RIT2: variants seen among roughly 807,000 people sequenced by gnomAD.
RIT2 encodes the protein GTP-binding protein Rit2.
In RIT2, 24 loss-of-function variants were observed where a neutral mutation model predicts 23.7. That is an observed-to-expected ratio of 1.01 (90% CI 0.73 to 1.43). The LOEUF (loss-of-function observed/expected upper bound fraction) is 1.43. Ranked by LOEUF, RIT2 falls within the 40% of genes most tolerant of loss-of-function variation. The pLI is 0.00. For synonymous variants in RIT2, 107 were observed against 91.1 expected (o/e 1.17, Z -0.99); for missense variants, 236 against 266.9 (o/e 0.88, Z 0.81).
chr18:42,913,787 A>T (rs930658138), intron 4 of RIT2, among the ~76,000 whole-genome samples: 1 of 151,960 alleles, frequency 6.6e-6, no homozygotes, highest in Non-Finnish European at 1.5e-5. Flanking sequence ...TCTATTCTAC[A>T]ATATGGTGGC....
intron 4 of RIT2, among the ~76,000 whole-genome samples, chr18:42,791,107 A>G (rs1914033402): frequency 6.6e-6 from 1 of 152,246 alleles, no homozygotes; most frequent in Non-Finnish European, 1.5e-5. Flanking sequence ...TATTAAATAA[A>G]TTAACTTGGG....
intron 2 of RIT2, among the ~76,000 whole-genome samples, chr18:42,990,404 C>G (rs960821352): frequency 6.6e-6 from 1 of 152,124 alleles, no homozygotes; most frequent in South Asian, 2.1e-4. Context: ...TAACGGCTGA[C>G]CAAATGCCTA....
chr18:43,046,081 G>A (rs991551734), intron 1 of RIT2, among the ~76,000 whole-genome samples: 11 of 152,146 alleles, frequency 7.2e-5, no homozygotes, highest in Non-Finnish European at 1.5e-5. Context: ...GGTGTCAGAT[G>A]CAAGATAGGC....
intron 3 of RIT2, among the ~76,000 whole-genome samples, chr18:42,940,096 C>T (rs1027858142): frequency 4.6e-5 from 7 of 151,296 alleles, no homozygotes; most frequent in African/African-American, 1.5e-4. Flanking sequence ...ACATTTTATG[C>T]CCCCATGCAT....
intron 1 of RIT2, among the ~76,000 whole-genome samples, chr18:43,098,412 T>C (rs1913604681): frequency 6.6e-6 from 1 of 151,826 alleles, no homozygotes. Flanking sequence ...GCCCATTTGC[T>C]CAGGATTGCA....
At chr18:42,963,113 CT>C (rs1568040911) in intron 3 of RIT2, among the ~76,000 whole-genome samples, 1 of 152,124 alleles carries the variant, frequency 6.6e-6, no homozygotes, top group Non-Finnish European at 1.5e-5. Flanking sequence ...GAATTGATTT[CT>C]AATGGAGAGG....
chr18:42,757,748 T>C (rs1367700823), intron 4 of RIT2, among the ~76,000 whole-genome samples: 1 of 152,200 alleles, frequency 6.6e-6, no homozygotes, highest in East Asian at 1.9e-4. Flanking sequence ...ATTTCTCGTT[T>C]AGTTCTTCAA....
intron 1 of RIT2, among the ~76,000 whole-genome samples, chr18:43,085,232 A>G (rs1185054478): frequency 6.6e-6 from 1 of 152,114 alleles, no homozygotes; most frequent in Non-Finnish European, 1.5e-5. Flanking sequence ...ATAAATAATA[A>G]TTGTATATCT....
At chr18:43,009,241 T>G (rs1911296399) in intron 2 of RIT2, among the ~76,000 whole-genome samples, 1 of 151,616 alleles carries the variant, frequency 6.6e-6, no homozygotes, top group Non-Finnish European at 1.5e-5. Flanking sequence ...GTCACAAACT[T>G]TTTTTTAAAA....
chr18:42,763,105 C>CAATTA (rs1913339570), intron 4 of RIT2, among the ~76,000 whole-genome samples: 1 of 152,026 alleles, frequency 6.6e-6, no homozygotes, highest in Non-Finnish European at 1.5e-5. Flanking sequence ...AATTGTAGCA[C>CAATTA]AATAGTAAGT....
rs139633507 is a variant in RIT2 at position 42,851,384 on chromosome 18, T to C, written c.426+72188A>G. ...TTACTGAATATAACATCTAGAGATA[T>C]GTGTTTGGGAAGCAAAACAAGACAA... On this transcript the variant is annotated intron_variant, in intron 4 of 4. Transcript: ENST00000326695. Among the ~76,000 whole-genome samples the C allele has an allele frequency of 5.7e-3, 861 of 152,314 alleles. 42 individuals are homozygous for C. Among genetic ancestry groups the C allele is most frequent in the Admixed American group, 0.053 (804 of 15,296 alleles).
At chr18:42,945,800 A>G (rs560928746) in intron 3 of RIT2, among the ~76,000 whole-genome samples, 8 of 152,122 alleles carry the variant, frequency 5.3e-5, no homozygotes, top group South Asian at 2.1e-4. Flanking sequence ...CGCATATCAA[A>G]TCCAACAGTC....
At chr18:42,960,904 T>C (rs1415440076) in intron 3 of RIT2, among the ~76,000 whole-genome samples, 2 of 152,230 alleles carry the variant, frequency 1.3e-5, no homozygotes, top group Admixed American at 6.5e-5. Flanking sequence ...CAAAACATTA[T>C]GTATTTGTAT....
chr18:42,999,247 T>TA lies in RIT2; in HGVS notation c.161-25101dup, dbSNP rs1041824289. Among the ~76,000 whole-genome samples the TA allele has an allele frequency of 3.6e-4, 55 of 151,624 alleles. No homozygotes were observed. In the Middle Eastern group the frequency reaches 0.01, roughly 28 times the overall value. On this transcript the variant is annotated intron_variant, in intron 2 of 4. Coordinates refer to ENST00000326695, the MANE Select transcript of RIT2 (RefSeq NM_002930.4). The stretch of plus-strand genomic sequence containing the variant: ...TTTTCATAGGCACTATGAGCAATAA[T>TA]AAAAAAAAATCTTTCATTACTCGGA...
intron 1 of RIT2, among the ~76,000 whole-genome samples, chr18:43,081,028 T>C (rs1913146176): frequency 6.6e-6 from 1 of 152,166 alleles, no homozygotes; most frequent in African/African-American, 2.4e-5. Flanking sequence ...AGTTTCCTTT[T>C]AAACAATGAT....
intron 2 of RIT2, among the ~76,000 whole-genome samples, chr18:43,012,448 T>C (rs1308654913): frequency 6.6e-6 from 1 of 151,812 alleles, no homozygotes; most frequent in Non-Finnish European, 1.5e-5. Flanking sequence ...TCATTTATTC[T>C]GCGGGATTTG....
intron 2 of RIT2, 104 bp downstream of exon 2, chr18:43,033,707 T>C (rs769622091): frequency 4.7e-5 from 37 of 793,058 alleles, no homozygotes; most frequent in East Asian, 1.8e-4. Context: ...TTCTGGGTCA[T>C]AGAGTAAATT....
intron 3 of RIT2, among the ~76,000 whole-genome samples, chr18:42,930,018 G>T (rs909558527): frequency 1.3e-5 from 2 of 152,076 alleles, no homozygotes; most frequent in African/African-American, 4.8e-5. Flanking sequence ...TGACAGACTG[G>T]GATAGGCCCT....
intron 3 of RIT2, among the ~76,000 whole-genome samples, chr18:42,952,433 A>G (rs1568038400): frequency 6.6e-6 from 1 of 152,142 alleles, no homozygotes; most frequent in Non-Finnish European, 1.5e-5. Context: ...ACTGTACATC[A>G]TGAATAAATC....
Sources: allele counts gnomAD v4.1 joint callset (sites outside exome capture counted in the v4.1 genomes callset), GRCh38; gene constraint gnomAD v4.1.1; transcripts MANE v1.5; gene names NCBI Gene and HGNC (gene_info 2026-07-23, HGNC 2026-07-21).